The following TMEM132D variants were observed in gnomAD, a reference collection of about 807,000 sequenced individuals.
TMEM132D encodes mature OL transmembrane protein.
A neutral mutation model predicts 62.3 loss-of-function variants in TMEM132D; 21 were observed. The observed-to-expected ratio is 0.34, with a 90% confidence interval of 0.24 to 0.49. TMEM132D has a LOEUF of 0.49. Ranked by LOEUF, TMEM132D falls within the 20% of genes least tolerant of loss-of-function variation. TMEM132D has a pLI of 0.99. For synonymous variants in TMEM132D, 621 were observed against 575.6 expected (o/e 1.08, Z -1.13); for missense variants, 1,346 against 1,402.8 (o/e 0.96, Z 0.65).
intron 2 of TMEM132D, among the ~76,000 whole-genome samples, chr12:129,680,162 G>C (rs1880741932): frequency 6.6e-6 from 1 of 152,176 alleles, no homozygotes; most frequent in Admixed American, 6.5e-5. Flanking sequence ...GAAGGGGAAT[G>C]GAAATAAGGG....
intron 5 of TMEM132D, among the ~76,000 whole-genome samples, chr12:129,088,713 G>GA (rs573575153): frequency 3.2e-5 from 1 of 31,560 alleles, no homozygotes; most frequent in Non-Finnish European, 5.6e-5. Flanking sequence ...CCCTGACCGG[G>GA]TGTCCTCCCT....
intron 2 of TMEM132D, among the ~76,000 whole-genome samples, chr12:129,575,403 T>C (rs980839110): frequency 2.6e-5 from 4 of 151,818 alleles, no homozygotes; most frequent in African/African-American, 9.7e-5. Context: ...TGCCACTCGC[T>C]TGCATGCTGG....
intron 3 of TMEM132D, among the ~76,000 whole-genome samples, chr12:129,392,502 C>T (rs1167783998): frequency 6.6e-6 from 1 of 152,222 alleles, no homozygotes; most frequent in Non-Finnish European, 1.5e-5. Context: ...GTCTCATGGG[C>T]CTGCACATCC....
chr12:129,681,286 A>T (rs1880771915), intron 2 of TMEM132D: 1 of 152,230 alleles, frequency 6.6e-6, no homozygotes, highest in African/African-American at 2.4e-5. Flanking sequence ...TTAAAATGCC[A>T]CAGCTTTATT....
chr12:129,180,275 A>G (rs181721295), intron 5 of TMEM132D, among the ~76,000 whole-genome samples: 4 of 152,074 alleles, frequency 2.6e-5, no homozygotes. Flanking sequence ...ACTCTGCATG[A>G]TTTTCCTGGG....
In TMEM132D at chr12:129,587,949, A is replaced by C. The variant is rs1878076772; in HGVS notation, c.969-56744T>G. ...TCAAGATGAGTCTCAGTAGATTGGA[A>C]TCCTGGTGCAGACAGACCTGAGCTC... is the stretch of plus-strand genomic sequence containing the variant. On this transcript the variant is annotated intron_variant, in intron 2 of 8. Transcript: ENST00000422113. Among the ~76,000 whole-genome samples the C allele has an allele frequency of 2.0e-5, 3 of 152,168 alleles. No individual in the cohort carries two copies. In the South Asian group the frequency reaches 6.2e-4, roughly 32 times the overall value.
At chr12:129,147,942 T>G (rs1380725106) in intron 5 of TMEM132D, among the ~76,000 whole-genome samples, 1 of 152,130 alleles carries the variant, frequency 6.6e-6, no homozygotes, top group African/African-American at 2.4e-5. Flanking sequence ...ATCAGGACAT[T>G]CCATGTCCAG....
intron 2 of TMEM132D, among the ~76,000 whole-genome samples, chr12:129,658,835 G>A (rs1347272691): frequency 6.6e-6 from 1 of 152,168 alleles, no homozygotes; most frequent in East Asian, 1.9e-4. Context: ...TGAAGGATGA[G>A]AGGCCATGTG....
intron 1 of TMEM132D, among the ~76,000 whole-genome samples, chr12:129,799,536 T>C (rs1317673963): frequency 6.6e-6 from 1 of 152,040 alleles, no homozygotes; most frequent in Non-Finnish European, 1.5e-5. Flanking sequence ...CACCTGGAGC[T>C]GCAGGTTTTC....
intron 7 of TMEM132D, 116 bp from the exon 8 acceptor site, chr12:129,078,841 T>C: frequency 9.7e-7 from 1 of 1,034,380 alleles, no homozygotes; most frequent in African/African-American, 1.6e-5. Context: ...TGAGCCAGAA[T>C]GAATGAGAAC....
At chr12:129,455,667 T>C (rs1873442626) in intron 3 of TMEM132D, among the ~76,000 whole-genome samples, 1 of 152,088 alleles carries the variant, frequency 6.6e-6, no homozygotes, top group African/African-American at 2.4e-5. Flanking sequence ...GTAGACAGGA[T>C]TTACAGTGTG....
At chr12:129,399,259 T>A (rs1437021569) in intron 3 of TMEM132D, among the ~76,000 whole-genome samples, 1 of 150,606 alleles carries the variant, frequency 6.6e-6, no homozygotes, top group African/African-American at 2.5e-5. Flanking sequence ...ACCAACCCAC[T>A]CCTGCAATAG....
chr12:129,141,732 A>C (rs1876745066), intron 5 of TMEM132D, among the ~76,000 whole-genome samples: 1 of 152,134 alleles, frequency 6.6e-6, no homozygotes, highest in African/African-American at 2.4e-5. Context: ...CATGGACACA[A>C]AGTTAGAAAT....
chr12:129,298,461 C>G (rs1881629460), intron 4 of TMEM132D, among the ~76,000 whole-genome samples: 1 of 152,062 alleles, frequency 6.6e-6, no homozygotes, highest in East Asian at 1.9e-4. Context: ...TCTTTGTGGT[C>G]AAAACATTCA....
chr12:129,818,423 A>G (rs1316227995), intron 1 of TMEM132D, among the ~76,000 whole-genome samples: 3 of 82,016 alleles, frequency 3.7e-5, no homozygotes, highest in African/African-American at 5.0e-5. Context: ...TTAAGTGTGT[A>G]TGTGTGTGGT....
chr12:129,193,801 T>C (rs972503490), intron 5 of TMEM132D, among the ~76,000 whole-genome samples: 32 of 152,236 alleles, frequency 2.1e-4, no homozygotes, highest in Non-Finnish European at 4.1e-4. Flanking sequence ...TGTTCCCCAG[T>C]CTTGAATTCC....
At chr12:129,451,699 C>T (rs1873291701) in intron 3 of TMEM132D, among the ~76,000 whole-genome samples, 1 of 152,066 alleles carries the variant, frequency 6.6e-6, no homozygotes, top group Non-Finnish European at 1.5e-5. Flanking sequence ...ACAAGAAATC[C>T]AGAGAAAAGA....
chr12:129,238,712 C>T (rs1050454017), intron 4 of TMEM132D, among the ~76,000 whole-genome samples: 2 of 152,202 alleles, frequency 1.3e-5, no homozygotes, highest in Non-Finnish European at 2.9e-5. Context: ...TCACATATTG[C>T]TCATCCGTTC....
chr12:129,709,403 T>C (rs1387258983), intron 1 of TMEM132D, among the ~76,000 whole-genome samples: 2 of 152,238 alleles, frequency 1.3e-5, no homozygotes, highest in African/African-American at 2.4e-5. Flanking sequence ...TTTATTAGAA[T>C]AGACAAGGAA....
Sources: gnomAD v4.1 joint callset for allele counts (sites outside exome capture counted in the v4.1 genomes callset) on GRCh38, gnomAD v4.1.1 for gene constraint, MANE v1.5 for transcripts, NCBI Gene and HGNC (gene_info 2026-07-23, HGNC 2026-07-21) for gene names.